Variants in RGS12 observed in about 807,000 individuals in gnomAD.
The protein encoded by RGS12 is regulator of G-protein signaling 12.
RGS12 carries 66 observed loss-of-function variants against 120.1 expected under a neutral mutation model. The observed-to-expected ratio is 0.55, with a 90% CI of 0.45 to 0.67. The LOEUF is 0.67. Among genes scored for constraint, RGS12 ranks in the 30% least tolerant of loss-of-function variants. The pLI is 0.00. For missense variants in RGS12, 1,859 were observed against 1,957.7 expected (o/e 0.95, Z 0.95); for synonymous variants, 827 against 804.7 (o/e 1.03, Z -0.47).
chr4:3,327,758 G>A (rs923273420), intron 2 of RGS12, among the ~76,000 whole-genome samples: 1 of 152,198 alleles, frequency 6.6e-6, no homozygotes, highest in African/African-American at 2.4e-5. Context: ...AACAGATGTT[G>A]TCAAGGGAAC....
chr4:3,352,107 G>C (rs542871888), intron 3 of RGS12, among the ~76,000 whole-genome samples: 2 of 152,132 alleles, frequency 1.3e-5, no homozygotes, highest in Non-Finnish European at 2.9e-5. Flanking sequence ...ACATTAAACC[G>C]GGTGTGCAGA....
chr4:3,343,880 A>G (rs146616611), intron 3 of RGS12, among the ~76,000 whole-genome samples: 214 of 152,318 alleles, frequency 1.4e-3, no homozygotes, highest in African/African-American at 5.0e-3. Flanking sequence ...ATTCTAGAAC[A>G]TGTGTCATGT....
At chr4:3,413,823 T>TGG in intron 4 of RGS12, 1 of 476,108 alleles carries the variant, frequency 2.1e-6, no homozygotes, top group Non-Finnish European at 3.8e-6. Context: ...CATGTGAACA[T>TGG]GTGTGTGTGC....
intron 1 of RGS12, among the ~76,000 whole-genome samples, chr4:3,310,545 G>A (rs1046499522): frequency 6.6e-6 from 1 of 152,238 alleles, no homozygotes; most frequent in Non-Finnish European, 1.5e-5. Context: ...TCTGGGTCCA[G>A]GGAAGGTCTG....
At chr4:3,383,683 T>C (rs999320743) in intron 3 of RGS12, among the ~76,000 whole-genome samples, 2 of 152,168 alleles carry the variant, frequency 1.3e-5, no homozygotes, top group African/African-American at 2.4e-5. Flanking sequence ...AAAGGTAAAG[T>C]TTACTTTTAA....
At chr4:3,364,359 C>T (rs978130234) in intron 3 of RGS12, among the ~76,000 whole-genome samples, 1 of 152,322 alleles carries the variant, frequency 6.6e-6, no homozygotes, top group South Asian at 2.1e-4. Flanking sequence ...GCACTGGGCT[C>T]CTCTCACCCA....
intron 9 of RGS12, chr4:3,419,533 T>C (rs1177877858): frequency 6.6e-6 from 1 of 152,014 alleles, no homozygotes; most frequent in African/African-American, 2.4e-5. Context: ...TTGATAGCAG[T>C]GGCGCCTGGT....
At chr4:3,369,326 C>T (rs939855874) in intron 3 of RGS12, among the ~76,000 whole-genome samples, 2 of 152,248 alleles carry the variant, frequency 1.3e-5, no homozygotes, top group Non-Finnish European at 1.5e-5. Context: ...GTGGGTTCTG[C>T]TCACTGAACA....
At chr4:3,313,621 G>A (rs568821860) in intron 1 of RGS12, among the ~76,000 whole-genome samples, 1 of 152,290 alleles carries the variant, frequency 6.6e-6, no homozygotes, top group Admixed American at 6.5e-5. Context: ...CTGGCTGATG[G>A]CAGGTGTGGC....
rs539153458 is a variant in RGS12, at chr4:3,317,346, C to T, written c.1176C>T (p.Asp392=). Residue 392 remains aspartate, a synonymous_variant, in exon 2 of 18, where the codon GAC becomes GAT. Coordinates refer to ENST00000336727, the MANE Select transcript of RGS12 (RefSeq NM_001394154.1). ...AGTTCATCTCTGTCCTGTACCGAGA[C>T]ATGGGTGAGCTGATTGAGGGCATGC... ...VLQFISVLYR[D]MGELIEGMRA... is the part of the protein sequence containing the mutation. The T allele has an allele frequency of 5.6e-6, 9 of 1,614,176 alleles. No individual in the cohort carries two copies. In the African/African-American group the frequency reaches 1.2e-4, roughly 22 times the overall value.
intron 17 of RGS12, among the ~76,000 whole-genome samples, chr4:3,436,956 A>T (rs1049602956): frequency 1.3e-5 from 2 of 152,204 alleles, no homozygotes; most frequent in South Asian, 4.1e-4. Flanking sequence ...GTGTGGCCTC[A>T]GGTCTGGATG....
At chr4:3,427,355 A>C (rs1010013841) in intron 14 of RGS12, among the ~76,000 whole-genome samples, 15 of 152,220 alleles carry the variant, frequency 9.9e-5, no homozygotes, top group Non-Finnish European at 1.8e-4. Context: ...TCCTCCAGTC[A>C]CATTTGGGCC....
intron 4 of RGS12, among the ~76,000 whole-genome samples, chr4:3,399,316 T>C (rs537867751): frequency 6.6e-6 from 1 of 152,194 alleles, no homozygotes; most frequent in South Asian, 2.1e-4. Flanking sequence ...ACTAAAAGTA[T>C]GAACAAAAGT....
At chr4:3,355,791 T>C (rs1403117882) in intron 3 of RGS12, among the ~76,000 whole-genome samples, 1 of 97,364 alleles carries the variant, frequency 1.0e-5, no homozygotes, top group Non-Finnish European at 1.9e-5. Flanking sequence ...TGAGACCTTG[T>C]CTCAAAAAAA....
intron 13 of RGS12, among the ~76,000 whole-genome samples, chr4:3,424,115 T>C (rs888956842): frequency 2.0e-5 from 3 of 152,240 alleles, no homozygotes; most frequent in Non-Finnish European, 4.4e-5. Context: ...TGCGCCATTA[T>C]GATGTGAATG....
intron 2 of RGS12, among the ~76,000 whole-genome samples, chr4:3,340,123 G>T (rs760950466): frequency 6.6e-6 from 1 of 152,240 alleles, no homozygotes; most frequent in Non-Finnish European, 1.5e-5. Context: ...CCATTGTTGG[G>T]CAGTCAGTCC....
chr4:3,364,622 G>A (rs540545369), intron 3 of RGS12, among the ~76,000 whole-genome samples: 1 of 152,268 alleles, frequency 6.6e-6, no homozygotes, highest in Admixed American at 6.5e-5. Flanking sequence ...GCCAGGGCAG[G>A]TGTTGGGACA....
At chr4:3,410,832 GTT>G (rs1374268261) in intron 4 of RGS12, among the ~76,000 whole-genome samples, 1 of 152,196 alleles carries the variant, frequency 6.6e-6, no homozygotes, top group African/African-American at 2.4e-5. Context: ...GTACCCTTCT[GTT>G]TTCCTTTTGG....
At chr4:3,425,429 C>G (rs1001399793) in intron 13 of RGS12, 35 bp from the exon 14 acceptor site, 1 of 1,563,150 alleles carries the variant, frequency 6.4e-7, no homozygotes, top group Non-Finnish European at 8.8e-7. Flanking sequence ...AAGTTCCAGT[C>G]TGGGTAAATT....
Sources: gnomAD v4.1 joint callset for allele counts (sites outside exome capture counted in the v4.1 genomes callset) on GRCh38, gnomAD v4.1.1 for gene constraint, MANE v1.5 for transcripts, NCBI Gene and HGNC (gene_info 2026-07-23, HGNC 2026-07-21) for gene names.